Variants in TBC1D22B observed in about 807,000 individuals in gnomAD.
TBC1D22B encodes the protein chromosome 6 open reading frame 197.
A neutral mutation model predicts 69.1 loss-of-function variants in TBC1D22B; 32 were observed. The observed-to-expected ratio is 0.46, with a 90% CI of 0.35 to 0.62. The LOEUF is 0.62. Ranked by LOEUF, TBC1D22B falls within the 20% of genes least tolerant of loss-of-function variation. The pLI is 0.00. For missense variants in TBC1D22B, 462 were observed against 630.9 expected (o/e 0.73, Z 2.87); for synonymous variants, 206 against 229.8 (o/e 0.90, Z 0.94).
chr6:37,329,977 T>C (rs1404702943), intron 12 of TBC1D22B, among the ~76,000 whole-genome samples: 3 of 152,216 alleles, frequency 2.0e-5, no homozygotes, highest in South Asian at 4.1e-4. Context: ...TCATAAAGGA[T>C]GCACAAGACC....
chr6:37,267,570 C>T (rs937128614), intron 1 of TBC1D22B, among the ~76,000 whole-genome samples: 9 of 143,602 alleles, frequency 6.3e-5, no homozygotes, highest in African/African-American at 2.1e-4. Flanking sequence ...TACACACACA[C>T]ATATATATAT....
chr6:37,269,279 T>C (rs1275052650), intron 1 of TBC1D22B, among the ~76,000 whole-genome samples: 2 of 152,220 alleles, frequency 1.3e-5, no homozygotes, highest in Non-Finnish European at 2.9e-5. Context: ...ATGGTGGTAC[T>C]GAGTGCCAGA....
intron 8 of TBC1D22B, among the ~76,000 whole-genome samples, chr6:37,300,653 T>A (rs957955274): frequency 2.0e-5 from 3 of 152,152 alleles, no homozygotes; most frequent in African/African-American, 7.2e-5. Flanking sequence ...TGAGCCACCG[T>A]GCCTGGCTAT....
chr6:37,285,371 C>A (rs1218452219), intron 6 of TBC1D22B, among the ~76,000 whole-genome samples: 1 of 122,496 alleles, frequency 8.2e-6, no homozygotes, highest in Non-Finnish European at 1.6e-5. Context: ...GTCGTCCAGG[C>A]TGGAGTGCAG....
chr6:37,323,997 T>A (rs199533951), intron 12 of TBC1D22B, among the ~76,000 whole-genome samples: 13 of 152,352 alleles, frequency 8.5e-5, no homozygotes, highest in Non-Finnish European at 1.6e-4. Context: ...TCAACAAGCT[T>A]ATATCATAGG....
chr6:37,323,799 A>G (rs1470204655), intron 12 of TBC1D22B, among the ~76,000 whole-genome samples: 1 of 152,236 alleles, frequency 6.6e-6, no homozygotes, highest in African/African-American at 2.4e-5. Context: ...CCTTCACACA[A>G]GGGTTCAGAG....
intron 8 of TBC1D22B, among the ~76,000 whole-genome samples, chr6:37,296,537 A>G (rs950245367): frequency 1.3e-5 from 2 of 151,990 alleles, no homozygotes; most frequent in African/African-American, 4.8e-5. Context: ...TTTTTTAGAG[A>G]TAAATTTTTG....
chr6:37,304,243 T>C (rs969984755), intron 8 of TBC1D22B, among the ~76,000 whole-genome samples: 1 of 152,254 alleles, frequency 6.6e-6, no homozygotes, highest in East Asian at 1.9e-4. Flanking sequence ...CTCTAGGCAC[T>C]GGGGTTTATG....
At chr6:37,314,231 C>G (rs781726410) in intron 10 of TBC1D22B, among the ~76,000 whole-genome samples, 3 of 152,212 alleles carry the variant, frequency 2.0e-5, no homozygotes, top group Non-Finnish European at 4.4e-5. Context: ...ATACTCTTCT[C>G]TTCCAAACTA....
rs188147192 is a variant in TBC1D22B at position 37,326,521 on chromosome 6, G to A, written c.1390-4523G>A. Among the ~76,000 whole-genome samples the A allele has an allele frequency of 8.0e-3, 1,225 of 152,268 alleles. 12 individuals are homozygous for A. Among genetic ancestry groups the A allele is most frequent in the Non-Finnish European group, 0.013 (902 of 68,028 alleles). On this transcript the variant is annotated intron_variant, in intron 12 of 12. Coordinates refer to ENST00000373491, the MANE Select transcript of TBC1D22B (RefSeq NM_017772.4). ...AAGAAATCTTAGGCTGGGCACAGTG[G>A]CTCACGCCTGTAATCCCAGCACTTT...
At chr6:37,259,977 AG>A (rs1766023271) in intron 1 of TBC1D22B, among the ~76,000 whole-genome samples, 1 of 152,238 alleles carries the variant, frequency 6.6e-6, no homozygotes, top group South Asian at 2.1e-4. Flanking sequence ...AATGTTACTC[AG>A]ATCCTTACCC....
At chr6:37,298,834 C>T (rs1219741178) in intron 8 of TBC1D22B, among the ~76,000 whole-genome samples, 1 of 151,830 alleles carries the variant, frequency 6.6e-6, no homozygotes, top group South Asian at 2.1e-4. Context: ...CGTGAGCCAC[C>T]GCGCCTGGCC....
intron 8 of TBC1D22B, among the ~76,000 whole-genome samples, chr6:37,293,988 G>A (rs56201211): frequency 0.032 from 4,852 of 152,250 alleles, 244 homozygotes; most frequent in African/African-American, 0.11. Flanking sequence ...TTGAAGCTAG[G>A]AGAAGTTGGT....
At chr6:37,269,521 C>T in intron 1 of TBC1D22B, 73 bp from the exon 2 acceptor site, 1 of 1,432,480 alleles carries the variant, frequency 7.0e-7, no homozygotes, top group South Asian at 1.2e-5. Context: ...TTTTGTGATG[C>T]AGATGGCACT....
rs963006212 is a variant in TBC1D22B, at chr6:37,287,037, C to G, written c.832C>G (p.Leu278Val). ...IHIDIPRTNPLIPLFQQPLVQ... is the reference protein window; with the variant it reads ...IHIDIPRTNPVIPLFQQPLVQ... The stretch of plus-strand genomic sequence containing the variant: ...CATTGACATTCCAAGGACGAATCCT[C>G]TCATTCCGTTGTTCCAGCAACCACT... The change falls in exon 7 of 13, where the codon CTC becomes GTC. Residue 278 changes from leucine (L) to valine (V), a missense_variant. Physicochemically the swap from Leu to Val is conservative, Grantham distance 32 (BLOSUM62 1). Around this residue, in one of 2 missense-constraint regions of TBC1D22B, gnomAD observed 225 missense variants for 375.4 expected, o/e 0.60. Coordinates refer to ENST00000373491, the MANE Select transcript of TBC1D22B (RefSeq NM_017772.4). 3 of 1,603,500 alleles carry G rather than the reference C, an allele frequency of 1.9e-6. No individual in the cohort carries two copies. The African/African-American group carries it at 4.1e-5, about 22-fold the overall frequency.
rs556874270 is a variant in TBC1D22B at position 37,320,758 on chromosome 6, G to T, written c.1389+3552G>T. On this transcript the variant is annotated intron_variant, in intron 12 of 12. Coordinates refer to ENST00000373491, the MANE Select transcript of TBC1D22B (RefSeq NM_017772.4). ...CAGAGAGGACCAAAAACTGACAAAG[G>T]AGATCACACTGAGAGGTTTCCTTCC... 5.9e-5 allele frequency among the ~76,000 whole-genome samples: 9 copies of T among 152,264 alleles called. No individual in the cohort carries two copies. The South Asian group carries it at 1.2e-3, about 21-fold the overall frequency.
intron 8 of TBC1D22B, among the ~76,000 whole-genome samples, chr6:37,293,204 A>G (rs979502145): frequency 2.6e-5 from 4 of 151,434 alleles, no homozygotes; most frequent in African/African-American, 9.7e-5. Context: ...CAGCCTCCCG[A>G]GTAGCTGGGA....
At chr6:37,263,776 G>A (rs1450662270) in intron 1 of TBC1D22B, among the ~76,000 whole-genome samples, 3 of 152,124 alleles carry the variant, frequency 2.0e-5, no homozygotes, top group Non-Finnish European at 4.4e-5. Context: ...AGTAGAGATG[G>A]GGTTTCACCA....
At chr6:37,285,179 A>C (rs1175576201) in intron 6 of TBC1D22B, among the ~76,000 whole-genome samples, 2 of 151,498 alleles carry the variant, frequency 1.3e-5, no homozygotes, top group East Asian at 1.9e-4. Flanking sequence ...GCTGCTGCTG[A>C]CACAGTCTTT....
Sources: gnomAD v4.1 joint callset for allele counts (sites outside exome capture counted in the v4.1 genomes callset) on GRCh38, gnomAD v4.1.1 for gene constraint, gnomAD v4.1.1 regional missense constraint, MANE v1.5 for transcripts, NCBI Gene and HGNC (gene_info 2026-07-23, HGNC 2026-07-21) for gene names.